The following ZSCAN18 variants were observed in gnomAD, a reference collection of about 807,000 sequenced individuals.
ZSCAN18 encodes zinc finger and SCAN domain containing 18, also known as zinc finger and SCAN domain-containing protein 18.
Under a neutral mutation model 31.1 loss-of-function variants are expected in ZSCAN18, and 16 were observed. The ratio of observed to expected loss-of-function variants is 0.51; its 90% CI spans 0.35 to 0.78. The LOEUF (loss-of-function observed/expected upper bound fraction) is 0.78, where lower values mean the gene tolerates loss of function less well. Ranked by LOEUF, ZSCAN18 falls within the 30% of genes least tolerant of loss-of-function variation. The pLI, the probability that ZSCAN18 is intolerant of heterozygous loss-of-function variation, is 0.01. For missense variants in ZSCAN18, 731 were observed against 697.4 expected (o/e 1.05, Z -0.54); for synonymous variants, 375 against 320.7 (o/e 1.17, Z -1.81).
At chr19:58,108,522 T>C in intron 1 of ZSCAN18, 2 of 986,138 alleles carry the variant, frequency 2.0e-6, no homozygotes, top group African/African-American at 1.7e-5. Flanking sequence ...ATTTCTCTCC[T>C]GTGTGGATTT....
At position 58,108,138 on chromosome 19, in the gene ZSCAN18, T is replaced by C. The variant is rs142365571; in HGVS notation, c.130+10129A>G. The C allele has an allele frequency of 6.1e-6, 6 of 987,344 alleles. No individual in the cohort carries two copies. The East Asian group carries it at 6.6e-4, about 109-fold the overall frequency. 61.2% of individuals were successfully genotyped at this position (987,344 alleles called of 1,614,324 possible). A position where few individuals can be genotyped will look rare whatever the true frequency, so the allele number is the denominator to read the frequency against. On this transcript the variant is annotated intron_variant, in intron 1 of 1. Coordinates refer to the ZSCAN18 transcript ENST00000595721. ...TTTTTTGATGCAAAAGAGCTGACTG[T>C]TGTGGTTGGAGAATTTTTCACACTC... is the stretch of plus-strand genomic sequence containing the variant.
chr19:58,085,237 C>T lies in ZSCAN18; in HGVS notation c.981G>A (p.Glu327=). The T allele has an allele frequency of 6.2e-7, 1 of 1,607,268 alleles. No homozygotes were observed. Among genetic ancestry groups the T allele is most frequent in the Non-Finnish European group, 8.5e-7 (1 of 1,179,000 alleles). Residue 327 remains glutamate, a synonymous_variant, in exon 7 of 7, where the codon GAG becomes GAA. Transcript: ENST00000601144. ...PPSGTTEEEE[E]QPGKAPDPQD... is the part of the protein sequence containing the mutation. Reference sequence around the variant, plus strand: ...GCGGGTCCGGGGCCTTCCCAGGCTGCTCTTCCTCCTCCTCAGTGGTGCCCG... The same window carrying T: ...GCGGGTCCGGGGCCTTCCCAGGCTGTTCTTCCTCCTCCTCAGTGGTGCCCG...
At chr19:58,098,433 A>C (rs935793500), upstream of ZSCAN18, 16 of 954,366 alleles carry the variant, frequency 1.7e-5, no homozygotes, top group African/African-American at 2.8e-4. Flanking sequence ...CAACGAAGTA[A>C]ACAAGCGGGT....
chr19:58,085,158 C>A lies in ZSCAN18; in HGVS notation c.1060G>T (p.Val354Phe). 6.2e-7 allele frequency: 1 copy of A among 1,610,756 alleles called. No homozygotes were observed. Among genetic ancestry groups the A allele is most frequent in the African/African-American group, 1.3e-5 (1 of 75,008 alleles). The change falls in exon 7 of 7, where the codon GTC becomes TTC. Residue 354 changes from valine (V) to phenylalanine (F), a missense_variant. Transcript: ENST00000601144. ...DSATGSQRQSVIQQPAPDRGT... is the reference protein window; with the variant it reads ...DSATGSQRQSFIQQPAPDRGT... ...CTGTCCGGGGCAGGCTGCTGGATGA[C>A]GGACTGCCTCTGCGATCCGGTGGCA...
chr19:58,086,884 C>T, intron 5 of ZSCAN18, 22 bp downstream of exon 5: 1 of 1,598,946 alleles, frequency 6.3e-7, no homozygotes, highest in Non-Finnish European at 8.6e-7. Flanking sequence ...TGGGGCGTGA[C>T]CCCGAGGCAG....
intron 1 of ZSCAN18, among the ~76,000 whole-genome samples, chr19:58,117,308 T>C (rs2074738207): frequency 6.6e-6 from 1 of 151,934 alleles, no homozygotes; most frequent in South Asian, 2.1e-4. Flanking sequence ...GAGAGGCCTG[T>C]CCCTGGGGGT....
At chr19:58,118,395 A>T (rs2074752281) in exon 1 of ZSCAN18, 8 of 1,519,982 alleles carry the variant, frequency 5.3e-6, no homozygotes, top group African/African-American at 1.4e-5. Flanking sequence ...GACTCTCCGC[A>T]TGGGCGCGCA....
rs781756125 is a variant in ZSCAN18 at position 58,086,226 on chromosome 19, G to A, written c.786C>T (p.Asp262=). ...LSQPDAASRL[D]TEELRLVERD... The stretch of plus-strand genomic sequence containing the variant: ...TTTCCACCAACCGGAGTTCCTCAGT[G>A]TCCAGCCTGGAGGCAGCGTCAGGCT... Residue 262 remains aspartate (D), a synonymous_variant, in exon 6 of 7, where the codon GAC becomes GAT. Transcript: ENST00000601144. 3.1e-6 allele frequency: 5 copies of A among 1,613,848 alleles called. No homozygotes were observed. The African/African-American group carries it at 5.3e-5, about 17-fold the overall frequency.
chr19:58,085,058 C>A lies in ZSCAN18; in HGVS notation c.1160G>T (p.Ser387Ile), dbSNP rs764716643. ...GDGQSLEGVSSSGDSAGLEAG... is the reference protein window; with the variant it reads ...GDGQSLEGVSISGDSAGLEAG... ...CTCCAGCCCTGCGCTGTCGCCGGAG[C>A]TAGAGACGCCCTCGAGGCTCTGCCC... Residue 387 changes from serine (S) to isoleucine (I), a missense_variant, in exon 7 of 7, where the codon AGC (serine) becomes ATC (isoleucine). Physicochemically the swap from Ser to Ile is moderately radical, Grantham distance 142 (BLOSUM62 -2). Transcript: ENST00000601144. 6.3e-7 allele frequency: 1 copy of A among 1,599,986 alleles called. No homozygotes were observed. Among genetic ancestry groups the A allele is most frequent in the Non-Finnish European group, 8.5e-7 (1 of 1,172,352 alleles).
At position 58,084,464 on chromosome 19, in the gene ZSCAN18, G is replaced by A. The variant is rs1394699249; in HGVS notation, c.*221C>T. The A allele has an allele frequency of 4.3e-6, 2 of 462,090 alleles. No homozygotes were observed. The highest frequency in any genetic ancestry group is 8.0e-5 in the Admixed American group (2 of 25,050). 28.6% of individuals were successfully genotyped at this position (462,090 alleles called of 1,614,324 possible). ...TCTTCCACATCCGGCGGCTCCCCTC[G>A]GATGCGAGCGCTGGCCCAGGGTGTG... On this transcript the variant is annotated 3_prime_UTR_variant, in exon 7 of 7. Transcript: ENST00000601144. The surrounding 1 kb of genome is among the most constrained non-coding windows in gnomAD (Gnocchi z 4.5).
At chr19:58,112,150 C>T (rs2074688516) in intron 1 of ZSCAN18, among the ~76,000 whole-genome samples, 3 of 152,306 alleles carry the variant, frequency 2.0e-5, no homozygotes, top group East Asian at 3.9e-4. Flanking sequence ...ATCCTCCCAC[C>T]TCAGTCTCCC....
chr19:58,087,479 C>A, intron 3 of ZSCAN18, 75 bp from the exon 4 acceptor site: 1 of 1,336,324 alleles, frequency 7.5e-7, no homozygotes, highest in Non-Finnish European at 1.0e-6. Context: ...AAGGAGCCCC[C>A]GCTGCCTCCC....
At chr19:58,103,234 T>C (rs2146019546) in intron 1 of ZSCAN18, among the ~76,000 whole-genome samples, 1 of 152,316 alleles carries the variant, frequency 6.6e-6, no homozygotes, top group East Asian at 1.9e-4. Flanking sequence ...ATAAAGGAAA[T>C]ACGGTAAGTC....
chr19:58,112,748 G>C (rs2074695389), intron 1 of ZSCAN18, among the ~76,000 whole-genome samples: 1 of 151,774 alleles, frequency 6.6e-6, no homozygotes, highest in African/African-American at 2.4e-5. Context: ...TCTGGAGTTT[G>C]AGACTAGCCT....
upstream of ZSCAN18, among the ~76,000 whole-genome samples, chr19:58,103,117 C>T (rs1182872260): frequency 1.9e-5 from 2 of 104,040 alleles, no homozygotes; most frequent in Non-Finnish European, 5.0e-5. Context: ...GCGAGACTCT[C>T]TCTAAAAAAA....
chr19:58,086,118 C>G, intron 6 of ZSCAN18, 56 bp downstream of exon 6: 4 of 1,549,704 alleles, frequency 2.6e-6, no homozygotes, highest in Non-Finnish European at 3.6e-6. Context: ...CCCCCTCAGC[C>G]TCTGAAGAAA....
At chr19:58,095,044 A>C (rs1213043178) in intron 1 of ZSCAN18, among the ~76,000 whole-genome samples, 1 of 152,196 alleles carries the variant, frequency 6.6e-6, no homozygotes, top group Non-Finnish European at 1.5e-5. Flanking sequence ...GCGACACAGC[A>C]AGATCCTGTC....
At chr19:58,104,377 AAAAAC>A (rs143767774) in intron 1 of ZSCAN18, among the ~76,000 whole-genome samples, 19,588 of 144,530 alleles carry the variant, frequency 0.14, 1,670 homozygotes, top group East Asian at 0.31. Context: ...AGGCTGTCTC[AAAAAC>A]AAAACAAAAC....
intron 1 of ZSCAN18, among the ~76,000 whole-genome samples, chr19:58,096,548 C>T (rs1193988154): frequency 6.6e-6 from 1 of 152,218 alleles, no homozygotes; most frequent in Non-Finnish European, 1.5e-5. Context: ...TCTCCAGAGT[C>T]CTGCAGCAAA....
Sources: gnomAD v4.1 joint callset for allele counts (sites outside exome capture counted in the v4.1 genomes callset) on GRCh38, gnomAD v4.1.1 for gene constraint, Gnocchi (gnomAD v3.1) non-coding constraint, MANE v1.5 for transcripts, NCBI Gene and HGNC (gene_info 2026-07-23, HGNC 2026-07-21) for gene names.